Variants in IQCH observed in about 807,000 individuals in gnomAD.
IQCH encodes IQ motif containing H.
A neutral mutation model predicts 117.0 loss-of-function variants in IQCH; 98 were observed. The ratio of observed to expected loss-of-function variants is 0.84; its 90% confidence interval spans 0.71 to 0.99. IQCH has a LOEUF of 0.99. Among genes scored for constraint, IQCH ranks in the 50% least tolerant of loss-of-function variants. The pLI, the probability that IQCH is intolerant of heterozygous loss-of-function variation, is 0.00. For missense variants in IQCH, 1,102 were observed against 1,243.8 expected, an observed-to-expected ratio of 0.89 and a Z score of 1.72; for synonymous variants, 412 against 448.2, an observed-to-expected ratio of 0.92 and a Z score of 1.02.
chr15:67,395,517 A>G lies in IQCH; in HGVS notation c.1859A>G (p.Asn620Ser), dbSNP rs779906246. ...GGCAAACGTGTCTTTGACAGTGCCA[A>G]TGTGGCAGTTCCTCCTGGAATATAT... Reference protein sequence around the residue: ...SGGKRVFDSANVAVPPGIYDI... With the variant: ...SGGKRVFDSASVAVPPGIYDI... Residue 620 changes from asparagine to serine, a missense_variant, in exon 13 of 21, where the codon AAT (asparagine) becomes AGT (serine). Transcript: ENST00000335894. This position sits in a 1 kb window ranked among gnomAD's most constrained non-coding sequence, Gnocchi z 4.0. 16 of 1,613,924 alleles carry G rather than the reference A, an allele frequency of 9.9e-6. No homozygotes were observed. Among genetic ancestry groups the G allele is most frequent in the South Asian group, 9.9e-5 (9 of 91,078 alleles).
At chr15:67,499,297 C>A (rs1476472499) in intron 20 of IQCH, among the ~76,000 whole-genome samples, 3 of 49,160 alleles carry the variant, frequency 6.1e-5, no homozygotes, top group Non-Finnish European at 1.0e-4. Flanking sequence ...AGACCTGTCC[C>A]AAAAAAAAAA....
chr15:67,321,729 CTCCAGGTTATTGAA>C, intron 4 of IQCH, among the ~76,000 whole-genome samples: 1 of 152,232 alleles, frequency 6.6e-6, no homozygotes, highest in South Asian at 2.1e-4. Flanking sequence ...ACACTGTTTT[CTCCAGGTTATTGAA>C]TCAACCAATC....
intron 6 of IQCH, among the ~76,000 whole-genome samples, chr15:67,347,653 A>C (rs1180816726): frequency 1.3e-5 from 2 of 151,448 alleles, no homozygotes; most frequent in African/African-American, 4.8e-5. Flanking sequence ...AATAGAAAGA[A>C]ACACTTCCCA....
At chr15:67,449,800 A>G (rs1374477223) in intron 16 of IQCH, among the ~76,000 whole-genome samples, 1 of 152,158 alleles carries the variant, frequency 6.6e-6, no homozygotes, top group Non-Finnish European at 1.5e-5. Context: ...CATTGACTCT[A>G]TAAATTACCT....
At position 67,433,539 on chromosome 15, in the gene IQCH, G is replaced by GT. The variant is rs2082061943; in HGVS notation, c.2505+11964dup. On this transcript the variant is annotated intron_variant, in intron 16 of 20. Transcript: ENST00000335894. This position sits in a 1 kb window ranked among gnomAD's most constrained non-coding sequence, Gnocchi z 5.4. The stretch of plus-strand genomic sequence containing the variant: ...CCTAATTCCTCTGTTTACATCAGCT[G>GT]TTCCCCCAGGACTTCCTCAAAAGAT... 6.6e-6 allele frequency among the ~76,000 whole-genome samples: 1 copy of GT among 152,168 alleles called. No individual in the cohort carries two copies. Among genetic ancestry groups the GT allele is most frequent in the Admixed American group, 6.5e-5 (1 of 15,270 alleles).
Position 67,381,885 on chromosome 15 carries a change from G to A in IQCH, c.1373-3051G>A, listed in dbSNP as rs112013634. On this transcript the variant is annotated intron_variant, in intron 10 of 20. Coordinates refer to ENST00000335894, the MANE Select transcript of IQCH (RefSeq NM_001031715.3). This position sits in a 1 kb window ranked among gnomAD's most constrained non-coding sequence, Gnocchi z 5.1. ...AGTCTCACCTAATTGAGAGGCTGAG[G>A]TGGGAGGATCACTTGAGCCCAGGAG... Among the ~76,000 whole-genome samples the A allele has an allele frequency of 6.6e-6, 1 of 152,112 alleles. No individual in the cohort carries two copies. Among genetic ancestry groups the A allele is most frequent in the African/African-American group, 2.4e-5 (1 of 41,492 alleles).
intron 4 of IQCH, among the ~76,000 whole-genome samples, chr15:67,330,458 A>G (rs1431247936): frequency 2.0e-5 from 3 of 152,180 alleles, no homozygotes; most frequent in Non-Finnish European, 4.4e-5. Flanking sequence ...TGCCTTTATT[A>G]TAGATGCCTC....
At position 67,445,632 on chromosome 15, in the gene IQCH, T is replaced by C. The variant is rs1276653678; in HGVS notation, c.2506-19495T>C. ...TTTTATATTTTTAGTAGAGACAGGG[T>C]TTCACCATGTTGGCCAGGCTGGTCT... On this transcript the variant is annotated intron_variant, in intron 16 of 20. Coordinates refer to ENST00000335894, the MANE Select transcript of IQCH (RefSeq NM_001031715.3). The surrounding 1 kb of genome is among the most constrained non-coding windows in gnomAD (Gnocchi z 4.3). 6.6e-6 allele frequency among the ~76,000 whole-genome samples: 1 copy of C among 152,060 alleles called. No individual in the cohort carries two copies. The highest frequency in any genetic ancestry group is 1.5e-5 in the Non-Finnish European group (1 of 67,998).
intron 3 of IQCH, among the ~76,000 whole-genome samples, chr15:67,276,433 G>T (rs1039605226): frequency 2.0e-5 from 3 of 152,110 alleles, no homozygotes; most frequent in Non-Finnish European, 4.4e-5. Flanking sequence ...AGTTTCCTGG[G>T]TTTTCTTTTT....
intron 7 of IQCH, among the ~76,000 whole-genome samples, chr15:67,358,800 A>G (rs1442981322): frequency 1.3e-5 from 2 of 152,234 alleles, no homozygotes; most frequent in African/African-American, 2.4e-5. Context: ...GTAGACTGCT[A>G]CCTGCTCTTC....
At chr15:67,307,125 T>C in intron 4 of IQCH, 1 of 1,130,432 alleles carries the variant, frequency 8.8e-7, no homozygotes, top group Non-Finnish European at 1.1e-6. Context: ...AAAAAAATCA[T>C]AAAAACATTT....
In IQCH at chr15:67,473,041, G is replaced by A. The variant is rs894545661; in HGVS notation, c.2677-2655G>A. ...TGCTAGATTGTGCTACCACATGCCT[G>A]CCTGCCTACCTCTCTTGCTGGCTGG... is the stretch of plus-strand genomic sequence containing the variant. On this transcript the variant is annotated intron_variant, in intron 17 of 20. Coordinates refer to ENST00000335894, the MANE Select transcript of IQCH (RefSeq NM_001031715.3). This position sits in a 1 kb window ranked among gnomAD's most constrained non-coding sequence, Gnocchi z 4.9. Among the ~76,000 whole-genome samples, 1 of 152,172 alleles carries A rather than the reference G, an allele frequency of 6.6e-6. No homozygotes were observed. The highest frequency in any genetic ancestry group is 2.4e-5 in the African/African-American group (1 of 41,442).
At chr15:67,446,673 T>A (rs1399905667) in intron 16 of IQCH, among the ~76,000 whole-genome samples, 1 of 152,002 alleles carries the variant, frequency 6.6e-6, no homozygotes, top group East Asian at 1.9e-4. Context: ...TCAATTGAAA[T>A]TTTTCCCAGG....
intron 4 of IQCH, among the ~76,000 whole-genome samples, chr15:67,291,878 C>T (rs551044386): frequency 2.0e-5 from 3 of 152,276 alleles, no homozygotes; most frequent in African/African-American, 7.2e-5. Flanking sequence ...TTTCCTTTTC[C>T]ATGGCTTCTA....
At chr15:67,485,752 G>A (rs192983538) in intron 18 of IQCH, among the ~76,000 whole-genome samples, 9 of 151,624 alleles carry the variant, frequency 5.9e-5, no homozygotes, top group Non-Finnish European at 1.2e-4. Flanking sequence ...TCCGCCTTCC[G>A]GGTTCAAGCA....
At chr15:67,438,408 C>A (rs1017026642) in intron 16 of IQCH, among the ~76,000 whole-genome samples, 1 of 152,198 alleles carries the variant, frequency 6.6e-6, no homozygotes, top group Admixed American at 6.5e-5. Context: ...AGCTCTAAAT[C>A]TTGAATCAAA....
intron 20 of IQCH, among the ~76,000 whole-genome samples, chr15:67,499,628 G>A (rs1260178897): frequency 2.0e-5 from 3 of 151,786 alleles, no homozygotes; most frequent in Non-Finnish European, 4.4e-5. Flanking sequence ...TTGAAAACAT[G>A]TTCACACAAA....
chr15:67,474,384 A>G lies in IQCH; in HGVS notation c.2677-1312A>G, dbSNP rs1002471609. Among the ~76,000 whole-genome samples, 2 of 152,104 alleles carry G rather than the reference A, an allele frequency of 1.3e-5. No individual in the cohort carries two copies. The highest frequency in any genetic ancestry group is 6.5e-5 in the Admixed American group (1 of 15,270). On this transcript the variant is annotated intron_variant, in intron 17 of 20. Coordinates refer to ENST00000335894, the MANE Select transcript of IQCH (RefSeq NM_001031715.3). The surrounding 1 kb of genome is among the most constrained non-coding windows in gnomAD (Gnocchi z 4.1). Reference sequence around the variant, plus strand: ...GCCAAGCCAGGCACCTTTATCTTCTATGCCCTAAGGTTGGCCATGGCCCTA... The same window carrying G: ...GCCAAGCCAGGCACCTTTATCTTCTGTGCCCTAAGGTTGGCCATGGCCCTA...
intron 20 of IQCH, among the ~76,000 whole-genome samples, chr15:67,499,694 C>A (rs1365310469): frequency 3.3e-5 from 5 of 151,858 alleles, no homozygotes; most frequent in African/African-American, 1.2e-4. Flanking sequence ...AAATTAGAAA[C>A]AACCCAAGTG....
Sources: allele counts gnomAD v4.1 joint callset (sites outside exome capture counted in the v4.1 genomes callset), GRCh38; gene constraint gnomAD v4.1.1; non-coding constraint Gnocchi (gnomAD v3.1); transcripts MANE v1.5; gene names NCBI Gene and HGNC (gene_info 2026-07-23, HGNC 2026-07-21).